PPP4R2: variants seen among roughly 807,000 people sequenced by gnomAD.
PPP4R2 encodes protein phosphatase 4 regulatory subunit 2, also known as serine/threonine-protein phosphatase 4 regulatory subunit 2.
PPP4R2 carries 13 observed loss-of-function variants against 47.2 expected under a neutral mutation model. The observed-to-expected ratio is 0.28, with a 90% confidence interval of 0.18 to 0.44. PPP4R2 has a LOEUF of 0.44. Among genes scored for constraint, PPP4R2 ranks in the 20% least tolerant of loss-of-function variants. The pLI is 1.00. For missense variants in PPP4R2, 421 were observed against 491.2 expected (o/e 0.86, Z 1.35); for synonymous variants, 151 against 163.3 (o/e 0.92, Z 0.57).
At chr3:73,058,196 G>A (rs1201509237) in intron 3 of PPP4R2, among the ~76,000 whole-genome samples, 1 of 152,010 alleles carries the variant, frequency 6.6e-6, no homozygotes, top group Admixed American at 6.6e-5. Context: ...AAATTATTTG[G>A]TAAAGTTAAA....
chr3:73,062,810 C>A, intron 5 of PPP4R2: 1 of 1,613,956 alleles, frequency 6.2e-7, no homozygotes, highest in Non-Finnish European at 8.5e-7. Context: ...TAGGTTGGAT[C>A]AGCTCAAGAC....
In PPP4R2 at chr3:73,068,636, G is replaced by A. The variant is rs1296807006; in HGVS notation, c.*2914G>A. 1 of 152,234 alleles carries A rather than the reference G, an allele frequency of 6.6e-6. No individual in the cohort carries two copies. Among genetic ancestry groups the A allele is most frequent in the South Asian group, 2.1e-4 (1 of 4,828 alleles). The allele number at this position is 152,234 out of a possible 1,614,324, so 9.4% of individuals were successfully genotyped here. A position where few individuals can be genotyped will look rare whatever the true frequency, so the allele number is the denominator to read the frequency against. On this transcript the variant is annotated 3_prime_UTR_variant, in exon 9 of 9. Transcript: ENST00000356692. ...AAGGCATCCCAGAAATCCTCGGCCAGAAGGTGTGGCTTGTTAAAGCATTGA... is the reference window on the plus strand; with the variant it reads ...AAGGCATCCCAGAAATCCTCGGCCAAAAGGTGTGGCTTGTTAAAGCATTGA...
Position 73,064,884 on chromosome 3 carries a change from C to T in PPP4R2, c.671C>T (p.Ser224Leu). The change falls in exon 8 of 9, where the codon TCA (serine) becomes TTA (leucine). Residue 224 changes from serine (S) to leucine (L), a missense_variant. This residue lies in a region of PPP4R2 where 317 missense variants were observed against 287.5 expected (regional missense o/e 1.10). Transcript: ENST00000356692. ...TCGACCTCTGAATCAGAAGTTTCCT[C>T]AGTGAGCCCTTTGAAAAATAAACAT... ...DSSTSESEVS[S>L]VSPLKNKHPD... The T allele has an allele frequency of 6.2e-7, 1 of 1,612,396 alleles. No individual in the cohort carries two copies. Among genetic ancestry groups the T allele is most frequent in the Middle Eastern group, 1.7e-4 (1 of 6,030 alleles).
At chr3:73,004,156 C>T (rs1219135207) in intron 2 of PPP4R2, among the ~76,000 whole-genome samples, 1 of 151,256 alleles carries the variant, frequency 6.6e-6, no homozygotes, top group Middle Eastern at 3.2e-3. Flanking sequence ...ATGTGTATGT[C>T]TTGTATGTTG....
chr3:73,035,850 T>C (rs1702252206), intron 2 of PPP4R2, among the ~76,000 whole-genome samples: 1 of 152,064 alleles, frequency 6.6e-6, no homozygotes, highest in African/African-American at 2.4e-5. Flanking sequence ...GGTCTTGAAC[T>C]CCTGATCCGC....
rs546555184 is a variant in PPP4R2, at chr3:73,045,560, C to T, written c.117-1626C>T. Among the ~76,000 whole-genome samples the T allele has an allele frequency of 1.5e-3, 216 of 142,276 alleles. 2 individuals are homozygous for T. Among genetic ancestry groups the T allele is most frequent in the Non-Finnish European group, 1.8e-3 (123 of 66,678 alleles). The allele number at this position is 142,276 out of a possible 152,430, so 93.3% of individuals were successfully genotyped here. A position where few individuals can be genotyped will look rare whatever the true frequency, so the allele number is the denominator to read the frequency against. On this transcript the variant is annotated intron_variant, in intron 2 of 8. Coordinates refer to ENST00000356692, the MANE Select transcript of PPP4R2 (RefSeq NM_174907.4). Reference sequence around the variant, plus strand: ...TTTTTTTTGGAAATGGAGTCTTGCTCATCGCCCGGGCTGGCGTGCAGTGAT... The same window carrying T: ...TTTTTTTTGGAAATGGAGTCTTGCTTATCGCCCGGGCTGGCGTGCAGTGAT...
At position 73,067,704 on chromosome 3, in the gene PPP4R2, G is replaced by T. The variant is rs1452045689; in HGVS notation, c.*1982G>T. On this transcript the variant is annotated 3_prime_UTR_variant, in exon 9 of 9. Transcript: ENST00000356692. ...TTTTTTATTTTAATTGTAGTGCCAT[G>T]GACCATTTGTAAACAAATTGATTTA... 1 of 152,096 alleles carries T rather than the reference G, an allele frequency of 6.6e-6. No individual in the cohort carries two copies. The highest frequency in any genetic ancestry group is 2.4e-5 in the African/African-American group (1 of 41,436). 9.4% of individuals were successfully genotyped at this position (152,096 alleles called of 1,614,324 possible). A position where few individuals can be genotyped will look rare whatever the true frequency, so the allele number is the denominator to read the frequency against.
At chr3:73,038,693 A>C (rs926317702) in intron 2 of PPP4R2, among the ~76,000 whole-genome samples, 1 of 152,230 alleles carries the variant, frequency 6.6e-6, no homozygotes, top group African/African-American at 2.4e-5. Flanking sequence ...AGCACAAGTC[A>C]GGCTAACCGG....
intron 2 of PPP4R2, among the ~76,000 whole-genome samples, chr3:73,001,392 G>A (rs988841001): frequency 3.3e-5 from 5 of 152,072 alleles, no homozygotes; most frequent in East Asian, 1.9e-4. Flanking sequence ...GGTGAAACCC[G>A]TCTTTACAAA....
At chr3:73,053,198 G>A (rs9840648) in intron 3 of PPP4R2, among the ~76,000 whole-genome samples, 11,267 of 152,128 alleles carry the variant, frequency 0.074, 604 homozygotes, top group African/African-American at 0.14. Flanking sequence ...TAGTTAAAAT[G>A]TACTTATTTG....
chr3:72,996,858 C>T lies in PPP4R2; in HGVS notation c.-180C>T, dbSNP rs1187062915. The T allele has an allele frequency of 2.0e-5, 8 of 409,842 alleles. No individual in the cohort carries two copies. The highest frequency in any genetic ancestry group is 3.5e-5 in the Non-Finnish European group (8 of 230,430). The allele number at this position is 409,842 out of a possible 1,614,324, so 25.4% of individuals were successfully genotyped here. On this transcript the variant is annotated 5_prime_UTR_variant, in exon 1 of 9. Coordinates refer to ENST00000356692, the MANE Select transcript of PPP4R2 (RefSeq NM_174907.4). ...TGGTAGCGGCTTGGGGAGGTGCTCGCTCTGTCGGTCTTGCTCTCTCGCACG... is the reference window on the plus strand; with the variant it reads ...TGGTAGCGGCTTGGGGAGGTGCTCGTTCTGTCGGTCTTGCTCTCTCGCACG...
intron 4 of PPP4R2, among the ~76,000 whole-genome samples, chr3:73,060,566 G>C (rs1400332287): frequency 6.7e-6 from 1 of 148,174 alleles, no homozygotes; most frequent in Non-Finnish European, 1.5e-5. Flanking sequence ...TTACTGGGAA[G>C]ATCATAAATA....
chr3:73,035,393 C>G (rs552180445), intron 2 of PPP4R2, among the ~76,000 whole-genome samples: 1 of 152,046 alleles, frequency 6.6e-6, no homozygotes, highest in African/African-American at 2.4e-5. Context: ...GAGTGAGACC[C>G]TGTCTAAAAA....
intron 2 of PPP4R2, among the ~76,000 whole-genome samples, chr3:73,024,636 CTCCT>C (rs1559554219): frequency 2.6e-5 from 4 of 152,124 alleles, no homozygotes; most frequent in Admixed American, 2.6e-4. Flanking sequence ...TCTTTTCTCT[CTCCT>C]TCCTTCCTGC....
At chr3:73,004,861 GTGTGTGTGTTTGTTTGTT>G (rs1211959476) in intron 2 of PPP4R2, among the ~76,000 whole-genome samples, 32 of 51,884 alleles carry the variant, frequency 6.2e-4, no homozygotes, top group Admixed American at 3.1e-3. Flanking sequence ...GTGTGTGTGT[GTGTGTGTGTTTGTTTGTT>G]TGTTTGTGTG....
At chr3:73,051,512 T>G (rs1335383598) in intron 3 of PPP4R2, among the ~76,000 whole-genome samples, 1 of 152,226 alleles carries the variant, frequency 6.6e-6, no homozygotes. Context: ...AAGTTTTTGT[T>G]GTTTTTGCTT....
chr3:73,018,452 T>TGTTATG, intron 2 of PPP4R2, among the ~76,000 whole-genome samples: 7,606 of 96,454 alleles, frequency 0.079, 658 homozygotes, highest in East Asian at 0.21. Flanking sequence ...TGTTATGTTA[T>TGTTATG]TTATGTTATG....
At chr3:73,013,627 AGATACCTTTT>A (rs1231325570) in intron 2 of PPP4R2, among the ~76,000 whole-genome samples, 2 of 149,318 alleles carry the variant, frequency 1.3e-5, no homozygotes, top group Non-Finnish European at 3.0e-5. Flanking sequence ...TTCTTTATTT[AGATACCTTTT>A]TTCTTTTTCT....
chr3:73,029,203 A>G (rs1702124605), intron 2 of PPP4R2, among the ~76,000 whole-genome samples: 1 of 152,180 alleles, frequency 6.6e-6, no homozygotes, highest in Non-Finnish European at 1.5e-5. Flanking sequence ...GTCCTCCCAA[A>G]GTGTTGGGAT....
Sources: gnomAD v4.1 joint callset for allele counts (sites outside exome capture counted in the v4.1 genomes callset) on GRCh38, gnomAD v4.1.1 for gene constraint, gnomAD v4.1.1 regional missense constraint, MANE v1.5 for transcripts, NCBI Gene and HGNC (gene_info 2026-07-23, HGNC 2026-07-21) for gene names.